Variants in ZDHHC11B observed in about 807,000 individuals in gnomAD.
ZDHHC11B encodes zDHHC palmitoyltransferase 11B (putative).
A neutral mutation model predicts 42.3 loss-of-function variants in ZDHHC11B; 17 were observed. The ratio of observed to expected loss-of-function variants is 0.40; its 90% CI spans 0.27 to 0.60. ZDHHC11B has a LOEUF of 0.60. Ranked by LOEUF, ZDHHC11B falls within the 20% of genes least tolerant of loss-of-function variation. The pLI is 0.41. For synonymous variants in ZDHHC11B, 123 were observed against 193.5 expected (o/e 0.64, Z 3.02); for missense variants, 262 against 463.2 (o/e 0.57, Z 3.99).
intron 9 of ZDHHC11B, among the ~76,000 whole-genome samples, chr5:742,265 T>G (rs2127044272): frequency 7.0e-6 from 1 of 142,642 alleles, no homozygotes; most frequent in South Asian, 2.5e-4. Flanking sequence ...TTATAGGTGC[T>G]TCCCATTGTG....
chr5:770,628 C>G (rs1201924158), intron 1 of ZDHHC11B, among the ~76,000 whole-genome samples: 1 of 152,030 alleles, frequency 6.6e-6, no homozygotes, highest in Non-Finnish European at 1.5e-5. Flanking sequence ...CGTGCGACAG[C>G]CGCTCCCTCC....
chr5:728,455 G>C (rs1302690320), intron 12 of ZDHHC11B, among the ~76,000 whole-genome samples: 1 of 151,826 alleles, frequency 6.6e-6, no homozygotes, highest in East Asian at 1.9e-4. Context: ...ACCTAAACTT[G>C]GTCATAAACT....
At chr5:777,419 C>T (rs372311713) in intron 1 of ZDHHC11B, among the ~76,000 whole-genome samples, 8 of 151,888 alleles carry the variant, frequency 5.3e-5, no homozygotes, top group African/African-American at 1.7e-4. Flanking sequence ...AAGCTGCAGA[C>T]CTTCGCTGCA....
intron 12 of ZDHHC11B, among the ~76,000 whole-genome samples, chr5:721,558 C>T (rs1472337471): frequency 6.6e-6 from 1 of 151,176 alleles, no homozygotes; most frequent in African/African-American, 2.4e-5. Flanking sequence ...GGGTGAGGAG[C>T]GAGGATGGGG....
chr5:771,293 C>A (rs991816031), intron 1 of ZDHHC11B, among the ~76,000 whole-genome samples: 1 of 151,718 alleles, frequency 6.6e-6, no homozygotes, highest in Non-Finnish European at 1.5e-5. Context: ...TCCCCCAAAA[C>A]AGCCGGAAAA....
rs1253430042 is a variant in ZDHHC11B at position 765,994 on chromosome 5, G to A, written c.222+704C>T. Among the ~76,000 whole-genome samples the A allele has an allele frequency of 7.2e-5, 11 of 151,876 alleles. 1 individual carries two copies. Among genetic ancestry groups the A allele is most frequent in the African/African-American group, 1.7e-4 (7 of 41,332 alleles). On this transcript the variant is annotated intron_variant, in intron 4 of 13. Coordinates refer to ENST00000508859, the MANE Select transcript of ZDHHC11B (RefSeq NM_001351303.2). ...TATGGTTCCAGTGCCCCAAGGCACCGAACGCAGGCCAACTGTTCCCCAGGC... is the reference window on the plus strand; with the variant it reads ...TATGGTTCCAGTGCCCCAAGGCACCAAACGCAGGCCAACTGTTCCCCAGGC...
intron 13 of ZDHHC11B, among the ~76,000 whole-genome samples, chr5:714,007 G>C (rs1488556936): frequency 7.1e-6 from 1 of 140,132 alleles, no homozygotes; most frequent in African/African-American, 2.5e-5. Flanking sequence ...TTCTCTTTGG[G>C]TTCCTCTGTG....
At chr5:721,608 T>G (rs1742193330) in intron 12 of ZDHHC11B, among the ~76,000 whole-genome samples, 1 of 151,458 alleles carries the variant, frequency 6.6e-6, no homozygotes, top group African/African-American at 2.4e-5. Context: ...TAGCTAAGTG[T>G]CCATATATGG....
At chr5:729,115 G>A (rs626746) in intron 12 of ZDHHC11B, among the ~76,000 whole-genome samples, 22,374 of 132,602 alleles carry the variant, frequency 0.17, 591 homozygotes, top group East Asian at 0.41. Flanking sequence ...GGAGGCATGC[G>A]GTGACCTCAG....
chr5:745,535 G>A (rs1744692971), intron 8 of ZDHHC11B, among the ~76,000 whole-genome samples: 1 of 149,922 alleles, frequency 6.7e-6, no homozygotes, highest in Non-Finnish European at 1.5e-5. Flanking sequence ...CTGGGGAACG[G>A]TGCTGACTCA....
intron 1 of ZDHHC11B, among the ~76,000 whole-genome samples, chr5:784,423 T>C (rs1399317274): frequency 6.6e-6 from 1 of 152,136 alleles, no homozygotes; most frequent in Non-Finnish European, 1.5e-5. Context: ...CGGCCGACGG[T>C]GACCCCCGCT....
intron 1 of ZDHHC11B, among the ~76,000 whole-genome samples, chr5:774,776 G>T (rs1274049710): frequency 2.6e-5 from 4 of 151,000 alleles, no homozygotes; most frequent in Admixed American, 6.6e-5. Context: ...AGCGCCAGGG[G>T]TCTGCCCCTT....
intron 4 of ZDHHC11B, 100 bp downstream of exon 4, chr5:766,598 G>A: frequency 7.8e-6 from 10 of 1,288,630 alleles, no homozygotes; most frequent in Admixed American, 2.1e-5. Context: ...CAGGTGACTG[G>A]TGCCACCGGG....
intron 11 of ZDHHC11B, among the ~76,000 whole-genome samples, chr5:733,419 A>G (rs1225425148): frequency 1.4e-4 from 21 of 151,528 alleles, no homozygotes; most frequent in Non-Finnish European, 2.9e-4. Context: ...TCCATCCTTT[A>G]TCACAGCACT....
At chr5:714,459 C>T (rs1392458929) in intron 13 of ZDHHC11B, among the ~76,000 whole-genome samples, 3 of 140,280 alleles carry the variant, frequency 2.1e-5, no homozygotes, top group Admixed American at 7.1e-5. Flanking sequence ...GTTATCACAG[C>T]GAACATTTGC....
Position 777,899 on chromosome 5 carries a change from G to A in ZDHHC11B, c.-230+6769C>T, listed in dbSNP as rs1300160824. Among the ~76,000 whole-genome samples, 617 of 151,202 alleles carry A rather than the reference G, an allele frequency of 4.1e-3. 9 individuals carry two copies. Among genetic ancestry groups the A allele is most frequent in the African/African-American group, 0.014 (578 of 41,128 alleles). On this transcript the variant is annotated intron_variant, in intron 1 of 13. Coordinates refer to ENST00000508859, the MANE Select transcript of ZDHHC11B (RefSeq NM_001351303.2). ...CCTTCCGGGAGGCCCCAGCACCGAG[G>A]GAGCCCGGGGCGGGGGAGGGGGGGC...
rs1741377727 is a variant in ZDHHC11B, at chr5:711,585, GTAC to G, written c.*702_*704del. ...CCTAGCACTGTGCTCCCATTTCCCAGTACTGTGCTCCCATTTCCCAGTGCCGTG... is the reference window on the plus strand; with the variant it reads ...CCTAGCACTGTGCTCCCATTTCCCAGTGTGCTCCCATTTCCCAGTGCCGTG... On this transcript the variant is annotated 3_prime_UTR_variant, in exon 14 of 14. Coordinates refer to ENST00000508859, the MANE Select transcript of ZDHHC11B (RefSeq NM_001351303.2). 1.3e-5 allele frequency: 2 copies of G among 151,454 alleles called. No homozygotes were observed. Among genetic ancestry groups the G allele is most frequent in the African/African-American group, 5.3e-5 (2 of 37,650 alleles). 9.4% of individuals were successfully genotyped at this position (151,454 alleles called of 1,614,324 possible).
chr5:732,760 A>G, intron 11 of ZDHHC11B: 1 of 374,204 alleles, frequency 2.7e-6, no homozygotes, highest in Non-Finnish European at 5.3e-6. Flanking sequence ...CCTGGCATGG[A>G]GGCTCACGCC....
At chr5:741,163 C>A (rs1359340001) in intron 10 of ZDHHC11B, among the ~76,000 whole-genome samples, 10 of 124,896 alleles carry the variant, frequency 8.0e-5, no homozygotes, top group African/African-American at 1.9e-4. Context: ...GGCTCCGGGT[C>A]AAGGCACCCC....
Sources: allele counts gnomAD v4.1 joint callset (sites outside exome capture counted in the v4.1 genomes callset), GRCh38; gene constraint gnomAD v4.1.1; transcripts MANE v1.5; gene names NCBI Gene and HGNC (gene_info 2026-07-23, HGNC 2026-07-21).